Variants in FANK1 observed in about 807,000 individuals in gnomAD.
FANK1 encodes the protein fibronectin type III and ankyrin repeat domains 1.
A neutral mutation model predicts 45.3 loss-of-function variants in FANK1; 44 were observed. The observed-to-expected ratio is 0.97, with a 90% confidence interval of 0.76 to 1.25. The LOEUF is 1.25. Ranked by LOEUF, FANK1 falls within the 50% of genes most tolerant of loss-of-function variation. FANK1 has a pLI of 0.00. For missense variants in FANK1, 391 were observed against 424.4 expected (o/e 0.92, Z 0.69); for synonymous variants, 149 against 152.5 (o/e 0.98, Z 0.17).
chr10:125,956,212 G>GGC (rs35333336), intron 1 of FANK1, among the ~76,000 whole-genome samples: 4 of 132,404 alleles, frequency 3.0e-5, no homozygotes, highest in African/African-American at 8.4e-5. Context: ...TGGGGGGGGG[G>GGC]CGGTGGTGGG....
At chr10:125,945,123 G>A (rs1231570725) in intron 1 of FANK1, among the ~76,000 whole-genome samples, 1 of 152,194 alleles carries the variant, frequency 6.6e-6, no homozygotes, top group African/African-American at 2.4e-5. Flanking sequence ...AAGCCTCATT[G>A]TGTTGTATGT....
At chr10:125,981,968 A>G (rs1402353034) in intron 2 of FANK1, among the ~76,000 whole-genome samples, 1 of 152,238 alleles carries the variant, frequency 6.6e-6, no homozygotes, top group African/African-American at 2.4e-5. Flanking sequence ...TTGAGTGATA[A>G]TATATCTGAT....
Position 125,988,693 on chromosome 10 carries a change from C to T in FANK1, c.316+18C>T, listed in dbSNP as rs529926608. 2.6e-5 allele frequency: 42 copies of T among 1,614,180 alleles called. No individual in the cohort carries two copies. In the South Asian group the frequency reaches 2.9e-4, roughly 11 times the overall value. ...TACAACCAGTGAGTATTCAGACCGTCCACACTCACCTCTCTCTAGATCAAT... is the reference window on the plus strand; with the variant it reads ...TACAACCAGTGAGTATTCAGACCGTTCACACTCACCTCTCTCTAGATCAAT... On this transcript the variant is annotated intron_variant, in intron 3 of 10. Transcript: ENST00000368693.
chr10:125,971,324 C>T (rs1950500427), intron 1 of FANK1, among the ~76,000 whole-genome samples: 1 of 151,972 alleles, frequency 6.6e-6, no homozygotes, highest in East Asian at 2.0e-4. Context: ...TCTTGGTCTC[C>T]ACTACTGGTT....
chr10:125,930,725 A>G (rs1341396674), intron 1 of FANK1, among the ~76,000 whole-genome samples: 1 of 152,002 alleles, frequency 6.6e-6, no homozygotes, highest in East Asian at 1.9e-4. Flanking sequence ...TTCCTTTTTT[A>G]AAATTTTCCA....
At chr10:125,956,306 G>A (rs531101606) in intron 1 of FANK1, among the ~76,000 whole-genome samples, 2 of 151,796 alleles carry the variant, frequency 1.3e-5, no homozygotes, top group Admixed American at 6.6e-5. Flanking sequence ...ACTTCACTTT[G>A]GAAAAGCAAA....
At position 125,930,229 on chromosome 10, in the gene FANK1, G is replaced by A. The variant is rs148461446; in HGVS notation, c.13+33574G>A. Among the ~76,000 whole-genome samples the A allele has an allele frequency of 7.9e-5, 12 of 151,938 alleles. No individual in the cohort carries two copies. The East Asian group carries it at 2.1e-3, about 27-fold the overall frequency. ...GGCTAATTTTTGTATATTTAATAGAGATGGGGTTTCACCATGTTGGCCTTG... is the reference window on the plus strand; with the variant it reads ...GGCTAATTTTTGTATATTTAATAGAAATGGGGTTTCACCATGTTGGCCTTG... On this transcript the variant is annotated intron_variant, in intron 1 of 10. Transcript: ENST00000368693.
intron 1 of FANK1, among the ~76,000 whole-genome samples, chr10:125,943,643 T>C (rs888281095): frequency 3.3e-5 from 5 of 152,242 alleles, no homozygotes; most frequent in African/African-American, 1.2e-4. Context: ...CTATTCATGC[T>C]CAGGTGTTCC....
intron 1 of FANK1, among the ~76,000 whole-genome samples, chr10:125,940,116 T>C (rs1253729815): frequency 6.6e-6 from 1 of 152,084 alleles, no homozygotes; most frequent in Non-Finnish European, 1.5e-5. Flanking sequence ...CCTGTGGGTA[T>C]TTCTCATCAG....
At chr10:125,925,424 T>TC (rs1491131085) in intron 1 of FANK1, among the ~76,000 whole-genome samples, 1 of 152,158 alleles carries the variant, frequency 6.6e-6, no homozygotes, top group African/African-American at 2.4e-5. Flanking sequence ...TGTATTTTTT[T>TC]CCCACTGTGC....
chr10:125,943,766 A>G (rs1215023496), intron 1 of FANK1, among the ~76,000 whole-genome samples: 1 of 152,220 alleles, frequency 6.6e-6, no homozygotes, highest in Non-Finnish European at 1.5e-5. Flanking sequence ...ACCCTTGAAT[A>G]CTAAGTTGGC....
intron 1 of FANK1, among the ~76,000 whole-genome samples, chr10:125,949,550 C>T (rs533671886): frequency 0.013 from 2,037 of 151,310 alleles, 42 homozygotes; most frequent in African/African-American, 0.047. Flanking sequence ...AGGAATCCAA[C>T]TTACAAGGGA....
chr10:125,914,075 TAAG>T (rs1385927117), intron 1 of FANK1, among the ~76,000 whole-genome samples: 1 of 152,054 alleles, frequency 6.6e-6, no homozygotes, highest in Non-Finnish European at 1.5e-5. Context: ...ATTCTTAAAT[TAAG>T]AACCATTAGA....
chr10:125,932,067 T>G (rs1264181264), intron 1 of FANK1, among the ~76,000 whole-genome samples: 1 of 152,224 alleles, frequency 6.6e-6, no homozygotes, highest in Non-Finnish European at 1.5e-5. Context: ...ATGTACCTGT[T>G]TTTATACCAG....
At chr10:125,911,191 T>C (rs1817468290) in intron 1 of FANK1, among the ~76,000 whole-genome samples, 1 of 152,064 alleles carries the variant, frequency 6.6e-6, no homozygotes, top group Non-Finnish European at 1.5e-5. Flanking sequence ...AGCGTCCTTA[T>C]AAGTGGGAAG....
intron 1 of FANK1, among the ~76,000 whole-genome samples, chr10:125,903,120 A>G (rs1239860632): frequency 6.6e-6 from 1 of 152,308 alleles, no homozygotes; most frequent in African/African-American, 2.4e-5. Context: ...TTCACCAAAC[A>G]TGGTCTCCAG....
At chr10:125,964,229 G>A (rs1003180240) in intron 1 of FANK1, among the ~76,000 whole-genome samples, 79 of 116,684 alleles carry the variant, frequency 6.8e-4, no homozygotes, top group Admixed American at 3.3e-3. Flanking sequence ...GTCATGCTCC[G>A]TCACCCGGGC....
At chr10:125,948,865 C>T (rs1949002460) in intron 1 of FANK1, among the ~76,000 whole-genome samples, 1 of 148,500 alleles carries the variant, frequency 6.7e-6, no homozygotes, top group African/African-American at 2.5e-5. Context: ...TGCAAAAATC[C>T]TCAATAAAAT....
chr10:125,992,864 CTT>C (rs35141953), intron 3 of FANK1, among the ~76,000 whole-genome samples: 7,380 of 152,210 alleles, frequency 0.048, 466 homozygotes, highest in African/African-American at 0.14. Flanking sequence ...CATCCCCTTT[CTT>C]TTTTAACACT....
Sources: gnomAD v4.1 joint callset for allele counts (sites outside exome capture counted in the v4.1 genomes callset) on GRCh38, gnomAD v4.1.1 for gene constraint, MANE v1.5 for transcripts, NCBI Gene and HGNC (gene_info 2026-07-23, HGNC 2026-07-21) for gene names.